TMEM9: variants seen among roughly 807,000 people sequenced by gnomAD.
TMEM9 encodes transmembrane protein 9, also known as proton-transporting V-type ATPase complex assembly regulator TMEM9.
Under a neutral mutation model 22.8 loss-of-function variants are expected in TMEM9, and 13 were observed. That is an observed-to-expected ratio of 0.57 (90% CI 0.37 to 0.91). The LOEUF (loss-of-function observed/expected upper bound fraction) is 0.91, where lower values mean the gene tolerates loss of function less well. Among genes scored for constraint, TMEM9 ranks in the 40% least tolerant of loss-of-function variants. The probability of loss-of-function intolerance (pLI) is 0.01; values close to 1 mark genes in which losing one functional copy is unlikely to be tolerated. For synonymous variants in TMEM9, 88 were observed against 93.0 expected (o/e 0.95, Z 0.31); for missense variants, 182 against 238.1 (o/e 0.76, Z 1.55).
At chr1:201,158,046 C>T (rs533371514), upstream of TMEM9, among the ~76,000 whole-genome samples, 3 of 152,158 alleles carry the variant, frequency 2.0e-5, no homozygotes, top group Non-Finnish European at 4.4e-5. Context: ...AACAGAGGAA[C>T]CTTTTCTGGC....
chr1:201,148,137 C>T (rs1665135640), intron 2 of TMEM9, among the ~76,000 whole-genome samples: 1 of 152,200 alleles, frequency 6.6e-6, no homozygotes, highest in Non-Finnish European at 1.5e-5. Flanking sequence ...TAACAGCACT[C>T]TTGCGTAAGG....
intron 1 of TMEM9, 82 bp downstream of exon 1, chr1:201,153,776 T>C: frequency 6.3e-7 from 1 of 1,596,362 alleles, no homozygotes; most frequent in Non-Finnish European, 8.5e-7. Flanking sequence ...AAGGAGCAGC[T>C]GGCTACCTCT....
At chr1:201,157,934 C>T (rs1039194299), upstream of TMEM9, among the ~76,000 whole-genome samples, 4 of 152,180 alleles carry the variant, frequency 2.6e-5, no homozygotes, top group African/African-American at 9.7e-5. Flanking sequence ...TGAATACTGT[C>T]TTACACAGTA....
At chr1:201,146,497 A>G (rs895577840) in intron 3 of TMEM9, 5 of 604,268 alleles carry the variant, frequency 8.3e-6, no homozygotes, top group Non-Finnish European at 1.5e-5. Flanking sequence ...AGTCTCCAGC[A>G]GCTCTCCCAG....
Position 201,143,694 on chromosome 1 carries a change from T to C in TMEM9, c.399+126A>G, listed in dbSNP as rs78958440. The stretch of plus-strand genomic sequence containing the variant: ...TGAGTCTGGGTGATGTGTACGACAC[T>C]GACCAGAAGAGCAACTTGAAGCATT... On this transcript the variant is annotated intron_variant, in intron 4 of 4. Coordinates refer to ENST00000367330, the MANE Select transcript of TMEM9 (RefSeq NM_001288565.2). The C allele has an allele frequency of 1.5e-3, 1,345 of 916,612 alleles. 22 individuals are homozygous for C. In the East Asian group the frequency reaches 0.029, roughly 20 times the overall value. The allele number at this position is 916,612 out of a possible 1,614,324, so 56.8% of individuals were successfully genotyped here.
chr1:201,146,346 G>A (rs1197489175), intron 3 of TMEM9, among the ~76,000 whole-genome samples: 2 of 152,196 alleles, frequency 1.3e-5, no homozygotes, highest in Non-Finnish European at 2.9e-5. Context: ...AGCTTAATTA[G>A]ACTAAGCTCC....
At chr1:201,151,732 C>T in intron 2 of TMEM9, 29 bp downstream of exon 2, 1 of 1,565,550 alleles carries the variant, frequency 6.4e-7, no homozygotes, top group Non-Finnish European at 8.8e-7. Context: ...CTGGGTATAG[C>T]AGCCAGGGGC....
chr1:201,153,862 T>C lies in TMEM9; in HGVS notation c.62A>G (p.Asn21Ser). ...CTGCAGGCTCACCTCCCTCACCTTG[T>C]TGGCTTCAGCTGGGGGCACCAGCAA... ...GCLLVPPAEANKSSEDIRCKC... is the reference protein window; with the variant it reads ...GCLLVPPAEASKSSEDIRCKC... Residue 21 changes from asparagine (N) to serine (S), a missense_variant, in exon 1 of 5, where the codon AAC becomes AGC. Physicochemically the swap from Asn to Ser is conservative, Grantham distance 46. Coordinates refer to ENST00000367330, the MANE Select transcript of TMEM9 (RefSeq NM_001288565.2). 1.9e-6 allele frequency: 3 copies of C among 1,614,202 alleles called. No individual in the cohort carries two copies. Among genetic ancestry groups the C allele is most frequent in the East Asian group, 4.5e-5 (2 of 44,880 alleles).
chr1:201,168,125 C>T (rs60406023), intron 1 of TMEM9, among the ~76,000 whole-genome samples: 19,686 of 152,140 alleles, frequency 0.13, 1,614 homozygotes, highest in East Asian at 0.25. Flanking sequence ...AATAATATTC[C>T]ATTGTATGAA....
chr1:201,135,490 A>G lies in TMEM9; in HGVS notation c.*173T>C. On this transcript the variant is annotated 3_prime_UTR_variant, in exon 5 of 5. Transcript: ENST00000367330. ...ATCAGAGACCACATCCCTCTTCCCT[A>G]ATCAAAATAGCCAAGTACAACATTT... The G allele has an allele frequency of 1.6e-6, 1 of 635,258 alleles. No homozygotes were observed. Among genetic ancestry groups the G allele is most frequent in the Non-Finnish European group, 2.5e-6 (1 of 394,494 alleles). The allele number at this position is 635,258 out of a possible 1,614,324, so 39.4% of individuals were successfully genotyped here.
upstream of TMEM9, among the ~76,000 whole-genome samples, chr1:201,158,715 C>G (rs117004940): frequency 1.3e-5 from 2 of 152,164 alleles, no homozygotes; most frequent in South Asian, 2.1e-4. Flanking sequence ...AGCTCTGGAG[C>G]CTTCCACTGC....
intron 2 of TMEM9, among the ~76,000 whole-genome samples, chr1:201,151,373 G>C (rs1482200465): frequency 6.6e-6 from 1 of 152,160 alleles, no homozygotes; most frequent in African/African-American, 2.4e-5. Flanking sequence ...TACTTTACAA[G>C]GATGCTATAA....
At chr1:201,168,109 T>G (rs1433447105) in intron 1 of TMEM9, among the ~76,000 whole-genome samples, 2 of 152,244 alleles carry the variant, frequency 1.3e-5, no homozygotes, top group Admixed American at 6.5e-5. Context: ...TTCATTTGCA[T>G]TGCTAAATAA....
upstream of TMEM9, among the ~76,000 whole-genome samples, chr1:201,157,475 G>A (rs1344781828): frequency 1.3e-5 from 2 of 152,184 alleles, no homozygotes; most frequent in African/African-American, 4.8e-5. Context: ...AATCTTTGAG[G>A]CTGCTCTGTG....
At chr1:201,155,591 A>G (rs1245457205), upstream of TMEM9, among the ~76,000 whole-genome samples, 5 of 152,178 alleles carry the variant, frequency 3.3e-5, no homozygotes, top group Admixed American at 2.0e-4. Flanking sequence ...ATAGAATTAA[A>G]TTAAATCTAG....
At chr1:201,158,198 C>G (rs933810700), upstream of TMEM9, among the ~76,000 whole-genome samples, 3 of 152,152 alleles carry the variant, frequency 2.0e-5, no homozygotes, top group African/African-American at 7.2e-5. Flanking sequence ...GCATTCTTCC[C>G]TAGAGCTTCT....
intron 3 of TMEM9, chr1:201,144,199 C>T: frequency 2.4e-6 from 1 of 408,462 alleles, no homozygotes; most frequent in Non-Finnish European, 4.5e-6. Context: ...CGACAGCAGG[C>T]AGATGACAGA....
chr1:201,138,547 G>C (rs902601726), intron 4 of TMEM9, among the ~76,000 whole-genome samples: 3 of 152,192 alleles, frequency 2.0e-5, no homozygotes, highest in African/African-American at 7.2e-5. Context: ...GGGAGCAGAA[G>C]GGCAGTTAGG....
At chr1:201,136,822 A>C (rs1399053877) in intron 4 of TMEM9, among the ~76,000 whole-genome samples, 1 of 152,022 alleles carries the variant, frequency 6.6e-6, no homozygotes, top group Non-Finnish European at 1.5e-5. Flanking sequence ...CTCCTGCCAC[A>C]CATCTCTTAA....
Sources: gnomAD v4.1 joint callset for allele counts (sites outside exome capture counted in the v4.1 genomes callset) on GRCh38, gnomAD v4.1.1 for gene constraint, MANE v1.5 for transcripts, NCBI Gene and HGNC (gene_info 2026-07-23, HGNC 2026-07-21) for gene names.